PACRG: variants seen among roughly 807,000 people sequenced by gnomAD.
The protein encoded by PACRG is parkin coregulated gene protein.
PACRG carries 29 observed loss-of-function variants against 29.7 expected under a neutral mutation model. The ratio of observed to expected loss-of-function variants is 0.98; its 90% CI spans 0.73 to 1.33. The LOEUF is 1.33. Ranked by LOEUF, PACRG falls within the 40% of genes most tolerant of loss-of-function variation. The pLI is 0.00. For missense variants in PACRG, 279 were observed against 316.2 expected, an observed-to-expected ratio of 0.88 and a Z score of 0.89; for synonymous variants, 116 against 118.7, an observed-to-expected ratio of 0.98 and a Z score of 0.15.
intron 2 of PACRG, among the ~76,000 whole-genome samples, chr6:162,832,016 A>C (rs578221018): frequency 1.3e-5 from 2 of 152,204 alleles, no homozygotes; most frequent in African/African-American, 2.4e-5. Context: ...TCCTTTGTGT[A>C]TATACCCAGG....
intron 4 of PACRG, among the ~76,000 whole-genome samples, chr6:163,273,902 T>A (rs1432017494): frequency 2.6e-5 from 4 of 152,152 alleles, no homozygotes; most frequent in Admixed American, 2.6e-4. Flanking sequence ...TTAGTTTAAT[T>A]CCTTTTAAAT....
At chr6:162,999,166 TAA>T (rs1267266853) in intron 2 of PACRG, among the ~76,000 whole-genome samples, 1 of 152,172 alleles carries the variant, frequency 6.6e-6, no homozygotes, top group Non-Finnish European at 1.5e-5. Context: ...AATACCCAAA[TAA>T]TTATGGGCAG....
chr6:162,956,064 A>G (rs765222372), intron 2 of PACRG, among the ~76,000 whole-genome samples: 11 of 152,192 alleles, frequency 7.2e-5, no homozygotes, highest in Non-Finnish European at 1.6e-4. Flanking sequence ...GGGCAAGCAC[A>G]TACCCTGTTG....
intron 2 of PACRG, among the ~76,000 whole-genome samples, chr6:162,947,359 A>ATATCATATATGAT (rs376521730): frequency 5.4e-5 from 2 of 36,702 alleles, no homozygotes; most frequent in Non-Finnish European, 5.2e-5. Context: ...ACATATATAT[A>ATATCATATATGAT]ATGTAATCAT....
rs186847008 is a variant in PACRG, at chr6:163,110,536, G to T, written c.613+21128G>T. 2.6e-4 allele frequency among the ~76,000 whole-genome samples: 39 copies of T among 152,328 alleles called. No individual in the cohort carries two copies. In the East Asian group the frequency reaches 7.3e-3, roughly 29 times the overall value. On this transcript the variant is annotated intron_variant, in intron 4 of 4. Transcript: ENST00000366888. ...ATCTGCAGTATCTGAACAAACTTCA[G>T]GCCAGGCAGGAGAGCACAGCTCAAT...
intron 2 of PACRG, among the ~76,000 whole-genome samples, chr6:163,011,054 A>G (rs1384815818): frequency 6.6e-6 from 1 of 150,446 alleles, no homozygotes; most frequent in African/African-American, 2.4e-5. Flanking sequence ...AGATTTATCA[A>G]TCAGGTGAAT....
chr6:162,794,047 G>A (rs2128330804), intron 1 of PACRG, among the ~76,000 whole-genome samples: 1 of 152,160 alleles, frequency 6.6e-6, no homozygotes, highest in East Asian at 1.9e-4. Context: ...ACTAGGCAAT[G>A]GTAAATGGTT....
intron 2 of PACRG, among the ~76,000 whole-genome samples, chr6:162,867,922 G>C (rs1792439801): frequency 6.6e-6 from 1 of 152,168 alleles, no homozygotes; most frequent in Non-Finnish European, 1.5e-5. Context: ...CTTTGCTGCT[G>C]GCTCTTGGAC....
At chr6:163,197,399 T>A (rs1194321227) in intron 4 of PACRG, among the ~76,000 whole-genome samples, 1 of 151,332 alleles carries the variant, frequency 6.6e-6, no homozygotes, top group African/African-American at 2.4e-5. Flanking sequence ...TAACCTACTG[T>A]CCTTATGAAA....
chr6:163,293,068 A>G (rs1784669878), intron 4 of PACRG, among the ~76,000 whole-genome samples: 1 of 152,254 alleles, frequency 6.6e-6, no homozygotes, highest in South Asian at 2.1e-4. Flanking sequence ...AGTCACCAGA[A>G]AAGATTTTTC....
intron 2 of PACRG, among the ~76,000 whole-genome samples, chr6:162,848,516 G>A (rs1161719110): frequency 2.0e-5 from 3 of 152,200 alleles, no homozygotes; most frequent in African/African-American, 7.2e-5. Context: ...ACTTTGCCCT[G>A]TGACAAGATA....
At chr6:163,145,838 TA>T (rs1406353986) in intron 4 of PACRG, among the ~76,000 whole-genome samples, 1 of 152,146 alleles carries the variant, frequency 6.6e-6, no homozygotes, top group African/African-American at 2.4e-5. Flanking sequence ...TGGGTGTGTC[TA>T]GGGGGCACTG....
chr6:163,200,845 G>C (rs1049728654), intron 4 of PACRG, among the ~76,000 whole-genome samples: 7 of 152,206 alleles, frequency 4.6e-5, no homozygotes, highest in Non-Finnish European at 1.0e-4. Context: ...CAGGATGCTT[G>C]GTCACCCTAC....
At chr6:163,177,470 C>T (rs11965804) in intron 4 of PACRG, among the ~76,000 whole-genome samples, 1 of 151,856 alleles carries the variant, frequency 6.6e-6, no homozygotes, top group Admixed American at 6.6e-5. Flanking sequence ...GAACCAGGGT[C>T]TGAGTGACAA....
At chr6:163,164,684 C>T (rs1323878926) in intron 4 of PACRG, among the ~76,000 whole-genome samples, 2 of 152,206 alleles carry the variant, frequency 1.3e-5, no homozygotes, top group African/African-American at 4.8e-5. Context: ...CAGCCACTGG[C>T]CCGTTTTTGG....
At chr6:162,821,319 A>G (rs925925535) in intron 2 of PACRG, among the ~76,000 whole-genome samples, 1 of 152,116 alleles carries the variant, frequency 6.6e-6, no homozygotes, top group African/African-American at 2.4e-5. Context: ...CAACTGATTT[A>G]TAACTCCTGG....
intron 4 of PACRG, among the ~76,000 whole-genome samples, chr6:163,275,637 G>A (rs372655269): frequency 4.1e-4 from 63 of 152,226 alleles, no homozygotes; most frequent in Non-Finnish European, 7.1e-4. Context: ...AGGTAGCTGC[G>A]GAGAATTCTG....
intron 2 of PACRG, among the ~76,000 whole-genome samples, chr6:162,838,191 A>G (rs115831419): frequency 0.019 from 2,823 of 152,258 alleles, 87 homozygotes; most frequent in African/African-American, 0.063. Context: ...TGCCGTAGAA[A>G]ATAATCCTCT....
At chr6:162,986,198 A>C (rs1188322626) in intron 2 of PACRG, among the ~76,000 whole-genome samples, 1 of 152,148 alleles carries the variant, frequency 6.6e-6, no homozygotes, top group South Asian at 2.1e-4. Context: ...TTCTTTACAG[A>C]ACTAGAAAAA....
Sources: gnomAD v4.1 joint callset for allele counts (sites outside exome capture counted in the v4.1 genomes callset) on GRCh38, gnomAD v4.1.1 for gene constraint, MANE v1.5 for transcripts, NCBI Gene and HGNC (gene_info 2026-07-23, HGNC 2026-07-21) for gene names.